NDUFA10: variants seen among roughly 807,000 people sequenced by gnomAD.
The protein encoded by NDUFA10 is NADH:ubiquinone oxidoreductase subunit A10.
Under a neutral mutation model 47.8 loss-of-function variants are expected in NDUFA10, and 40 were observed. The observed-to-expected ratio is 0.84, with a 90% CI of 0.65 to 1.09. The LOEUF (loss-of-function observed/expected upper bound fraction) is 1.09. Ranked by LOEUF, NDUFA10 falls within the 50% of genes least tolerant of loss-of-function variation. The pLI is 0.00. For synonymous variants in NDUFA10, 183 were observed against 172.2 expected (o/e 1.06, Z -0.49); for missense variants, 413 against 451.1 (o/e 0.92, Z 0.76).
intron 4 of NDUFA10, among the ~76,000 whole-genome samples, chr2:239,896,320 G>A (rs963398557): frequency 6.6e-6 from 1 of 152,246 alleles, no homozygotes; most frequent in Non-Finnish European, 1.5e-5. Context: ...ATTCAGGGCA[G>A]ACCTGGCCGA....
At chr2:239,990,257 T>C (rs1696190418) in intron 8 of NDUFA10, 75 bp from the exon 9 acceptor site, 1 of 1,184,964 alleles carries the variant, frequency 8.4e-7, no homozygotes, top group African/African-American at 1.5e-5. Flanking sequence ...AGTCCGATTT[T>C]TTTTAAACAT....
At chr2:239,961,244 C>T in intron 9 of NDUFA10, 58 bp from the exon 10 acceptor site, 1 of 1,612,974 alleles carries the variant, frequency 6.2e-7, no homozygotes, top group South Asian at 1.1e-5. Flanking sequence ...GTTTCCCCAG[C>T]TCATAGTTCA....
chr2:239,998,389 G>C (rs758568329), intron 8 of NDUFA10, among the ~76,000 whole-genome samples: 10 of 152,192 alleles, frequency 6.6e-5, no homozygotes, highest in Non-Finnish European at 1.2e-4. Flanking sequence ...ACATCTCCTA[G>C]GTTCGGATTT....
intron 9 of NDUFA10, among the ~76,000 whole-genome samples, chr2:239,974,076 G>A (rs538895020): frequency 1.3e-5 from 2 of 152,126 alleles, no homozygotes; most frequent in East Asian, 1.9e-4. Flanking sequence ...ACAGGTGCTC[G>A]CCACCACGCC....
intron 4 of NDUFA10, among the ~76,000 whole-genome samples, chr2:239,929,925 TG>T (rs1422872632): frequency 6.0e-5 from 9 of 150,186 alleles, no homozygotes; most frequent in Admixed American, 6.6e-5. Context: ...CCACTGCCCC[TG>T]CTCCTCCACT....
intron 4 of NDUFA10, among the ~76,000 whole-genome samples, chr2:239,946,571 C>T (rs796256229): frequency 6.6e-6 from 1 of 152,234 alleles, no homozygotes; most frequent in Non-Finnish European, 1.5e-5. Flanking sequence ...TCAACACTCA[C>T]GGACGCTACA....
At chr2:239,915,210 TACAC>T (rs149758316) in intron 4 of NDUFA10, among the ~76,000 whole-genome samples, 20,667 of 125,354 alleles carry the variant, frequency 0.16, 1,478 homozygotes, top group African/African-American at 0.2. Context: ...GACACACAAA[TACAC>T]AGACACAGAG....
intron 4 of NDUFA10, among the ~76,000 whole-genome samples, chr2:239,943,288 T>A (rs1694391577): frequency 6.6e-6 from 1 of 152,266 alleles, no homozygotes; most frequent in African/African-American, 2.4e-5. Context: ...ATCTGCCTTC[T>A]GCTCTACTCT....
At chr2:240,014,922 A>C in intron 4 of NDUFA10, 62 bp from the exon 5 acceptor site, 1 of 1,610,378 alleles carries the variant, frequency 6.2e-7, no homozygotes, top group Non-Finnish European at 8.5e-7. Context: ...TCCAAAACAC[A>C]CTCCTCCTTG....
At chr2:239,901,188 C>T (rs1693541988) in intron 4 of NDUFA10, among the ~76,000 whole-genome samples, 1 of 152,144 alleles carries the variant, frequency 6.6e-6, no homozygotes, top group Non-Finnish European at 1.5e-5. Flanking sequence ...AATTATGCTA[C>T]ATTGACTCCG....
chr2:239,938,142 ACTTCT>A (rs1029523154), intron 4 of NDUFA10, among the ~76,000 whole-genome samples: 3 of 151,972 alleles, frequency 2.0e-5, no homozygotes, highest in African/African-American at 7.3e-5. Flanking sequence ...AGCAGTCCCC[ACTTCT>A]CTTCTCGGAC....
chr2:239,998,668 C>T (rs1361712301), intron 8 of NDUFA10, among the ~76,000 whole-genome samples: 3 of 152,150 alleles, frequency 2.0e-5, no homozygotes, highest in Admixed American at 6.5e-5. Context: ...TGAGTAGTTG[C>T]GAAGCAGAGG....
At chr2:239,996,925 A>C (rs998228469) in intron 8 of NDUFA10, among the ~76,000 whole-genome samples, 33 of 152,090 alleles carry the variant, frequency 2.2e-4, no homozygotes, top group African/African-American at 7.7e-4. Context: ...CCCCTGCTTT[A>C]AATCATCTCT....
Position 239,960,622 on chromosome 2 carries a change from T to C in NDUFA10, c.*496A>G, listed in dbSNP as rs1694812803. 9.7e-7 allele frequency: 1 copy of C among 1,030,756 alleles called. No individual in the cohort carries two copies. The highest frequency in any genetic ancestry group is 4.9e-4 in the Middle Eastern group (1 of 2,038). 63.9% of individuals were successfully genotyped at this position (1,030,756 alleles called of 1,614,324 possible). On this transcript the variant is annotated 3_prime_UTR_variant, in exon 10 of 10. Coordinates refer to ENST00000252711, the MANE Select transcript of NDUFA10 (RefSeq NM_004544.4). Reference sequence around the variant, plus strand: ...ATACAGTAGGCCTTTAGAAAAACTCTTCAGCATAATGTAAGCCTCAATTAA... The same window carrying C: ...ATACAGTAGGCCTTTAGAAAAACTCCTCAGCATAATGTAAGCCTCAATTAA...
At chr2:239,937,784 C>G (rs901116930) in intron 4 of NDUFA10, among the ~76,000 whole-genome samples, 2 of 152,236 alleles carry the variant, frequency 1.3e-5, no homozygotes, top group Non-Finnish European at 2.9e-5. Flanking sequence ...CCACTGACAA[C>G]ACACAAGGGT....
chr2:239,915,801 G>C (rs111067625), intron 4 of NDUFA10, among the ~76,000 whole-genome samples: 28,148 of 145,792 alleles, frequency 0.19, 2,887 homozygotes, highest in African/African-American at 0.31. Flanking sequence ...TATAAATACA[G>C]ACAGAGAGAC....
At chr2:239,963,830 G>A (rs146339140) in intron 9 of NDUFA10, among the ~76,000 whole-genome samples, 178 of 152,338 alleles carry the variant, frequency 1.2e-3, no homozygotes, top group African/African-American at 4.1e-3. Flanking sequence ...GCTGAGGCCT[G>A]AGGCTGCAGA....
At position 240,022,243 on chromosome 2, in the gene NDUFA10, C is replaced by G; in HGVS notation, c.173G>C (p.Arg58Thr). 6.2e-7 allele frequency: 1 copy of G among 1,614,128 alleles called. No individual in the cohort carries two copies. Among genetic ancestry groups the G allele is most frequent in the Non-Finnish European group, 8.5e-7 (1 of 1,180,030 alleles). Reference protein sequence around the residue: ...KASKRLTERSRVITVDGNICT... With the variant: ...KASKRLTERSTVITVDGNICT... ...TATATTGCCATCTACAGTTATCACT[C>G]TGCTGCGTTCTGTCAGTCTTTTGCT... Residue 58 changes from arginine to threonine, a missense_variant, in exon 2 of 10, where the codon AGA becomes ACA. Coordinates refer to ENST00000252711, the MANE Select transcript of NDUFA10 (RefSeq NM_004544.4).
intron 9 of NDUFA10, among the ~76,000 whole-genome samples, chr2:239,965,279 T>C (rs1695012271): frequency 6.6e-6 from 1 of 151,548 alleles, no homozygotes; most frequent in South Asian, 2.1e-4. Flanking sequence ...CTCTTTTCAG[T>C]GTTTTAGGCC....
Sources: allele counts gnomAD v4.1 joint callset (sites outside exome capture counted in the v4.1 genomes callset), GRCh38; gene constraint gnomAD v4.1.1; transcripts MANE v1.5; gene names NCBI Gene and HGNC (gene_info 2026-07-23, HGNC 2026-07-21).